ZNF674: variants seen among roughly 807,000 people sequenced by gnomAD.
The protein encoded by ZNF674 is zinc finger family member 674.
A neutral mutation model predicts 7.0 loss-of-function variants in ZNF674; 2 were observed. That is an observed-to-expected ratio of 0.29 (90% CI 0.12 to 0.90). ZNF674 has a LOEUF of 0.90. ZNF674 is among the 40% of genes least tolerant of loss of function. ZNF674 has a pLI of 0.57. For missense variants in ZNF674, 297 were observed against 415.5 expected (o/e 0.71, Z 2.48); for synonymous variants, 103 against 145.2 (o/e 0.71, Z 2.09).
chrX:46,510,332 C>A (rs776917403), intron 5 of ZNF674, among the ~76,000 whole-genome samples: 1 of 111,235 alleles, frequency 9.0e-6, no homozygotes, highest in South Asian at 3.8e-4. Flanking sequence ...AAATGCTTCA[C>A]AATTAAGTAG....
intron 5 of ZNF674, among the ~76,000 whole-genome samples, chrX:46,515,134 CT>C (rs1941737956): frequency 9.0e-6 from 1 of 110,979 alleles, no homozygotes; most frequent in Non-Finnish European, 1.9e-5. Flanking sequence ...TCTGGGAGGC[CT>C]AAGTGGGCGG....
At chrX:46,540,993 G>A (rs954524274) in intron 3 of ZNF674, among the ~76,000 whole-genome samples, 2 of 107,508 alleles carry the variant, frequency 1.9e-5, no homozygotes, top group Non-Finnish European at 3.8e-5. Flanking sequence ...GAACCTGGGA[G>A]GCAGAGGTTG....
rs1942271610 is a variant in ZNF674, at chrX:46,540,300, A to G, written c.15+1773T>C. Among the ~76,000 whole-genome samples the G allele has an allele frequency of 5.4e-5, 6 of 111,855 alleles. No homozygotes were observed. In the South Asian group the frequency reaches 2.2e-3, roughly 41 times the overall value. On this transcript the variant is annotated intron_variant, in intron 3 of 5. Coordinates refer to ENST00000683375, the MANE Select transcript of ZNF674 (RefSeq NM_001190417.2). Reference sequence around the variant, plus strand: ...GACAGATAAGCATACATATTCTCTGAAAGACTGTACCAAAAAATGAAGGAA... The same window carrying G: ...GACAGATAAGCATACATATTCTCTGGAAGACTGTACCAAAAAATGAAGGAA...
chrX:46,527,827 G>C (rs1233906449), intron 5 of ZNF674: 6 of 127,889 alleles, frequency 4.7e-5, no homozygotes, highest in Non-Finnish European at 9.2e-5. Context: ...GTAGAGTAAA[G>C]GTCACCAGCA....
chrX:46,498,047 C>T lies in ZNF674; in HGVS notation c.*1796G>A, dbSNP rs763052038. 1 of 110,747 alleles carries T rather than the reference C, an allele frequency of 9.0e-6. No individual in the cohort carries two copies. Among genetic ancestry groups the T allele is most frequent in the Admixed American group, 9.7e-5 (1 of 10,361 alleles). The allele number at this position is 110,747 out of a possible 1,213,427, so 9.1% of individuals were successfully genotyped here. On this transcript the variant is annotated 3_prime_UTR_variant, in exon 6 of 6. Coordinates refer to ENST00000683375, the MANE Select transcript of ZNF674 (RefSeq NM_001190417.2). ...ACCCAGAATCACTGATATAATGGTT[C>T]ATATACTTCCTGTTTGTACAATATT...
intron 2 of ZNF674, among the ~76,000 whole-genome samples, chrX:46,542,544 A>T (rs1942310876): frequency 9.0e-6 from 1 of 110,907 alleles, no homozygotes; most frequent in South Asian, 3.8e-4. Context: ...CCTTGTCTCT[A>T]CAAAACCGAA....
intron 3 of ZNF674, chrX:46,529,808 C>T (rs958680401): frequency 8.1e-5 from 9 of 111,526 alleles, no homozygotes; most frequent in African/African-American, 2.3e-4. Context: ...AGATGTAGGA[C>T]GGGGTCCGGG....
At chrX:46,521,356 C>A (rs983913589) in intron 5 of ZNF674, among the ~76,000 whole-genome samples, 3 of 111,003 alleles carry the variant, frequency 2.7e-5, no homozygotes, top group African/African-American at 9.8e-5. Context: ...GCAGGTGGAT[C>A]GCTTGAGCCC....
At position 46,500,457 on chromosome X, in the gene ZNF674, T is replaced by A; in HGVS notation, c.1117A>T (p.Thr373Ser). ...TCATAAATGTTCTCTTTTGTATGAG[T>A]TCTCCAATGTTTAGTGGGACTGGGC... ...EKPSPTKHWR[T>S]HTKENIYECS... Residue 373 changes from threonine (T) to serine (S), a missense_variant, in exon 6 of 6, where the codon ACT (threonine) becomes TCT (serine). Coordinates refer to ENST00000683375, the MANE Select transcript of ZNF674 (RefSeq NM_001190417.2). The A allele has an allele frequency of 8.3e-7, 1 of 1,211,955 alleles. No individual in the cohort carries two copies. Among genetic ancestry groups the A allele is most frequent in the South Asian group, 1.8e-5 (1 of 57,040 alleles).
intron 2 of ZNF674, among the ~76,000 whole-genome samples, chrX:46,543,232 G>T (rs1039031866): frequency 8.9e-6 from 1 of 112,047 alleles, no homozygotes; most frequent in South Asian, 3.6e-4. Context: ...GGGATTACAG[G>T]CATGAGCCAC....
At position 46,528,400 on chromosome X, in the gene ZNF674, C is replaced by A; in HGVS notation, c.188G>T (p.Gly63Val). Residue 63 changes from glycine to valine, a missense_variant, in exon 5 of 6, where the codon GGT becomes GTT. Gly to Val is a moderately radical substitution (Grantham distance 109, BLOSUM62 -3). Coordinates refer to ENST00000683375, the MANE Select transcript of ZNF674 (RefSeq NM_001190417.2). ...TCCATCTGCCATCCAGGACTCGTCA[C>A]CTGGTCCCAACCTGAAGATCACATC... Reference protein sequence around the residue: ...KPDVIFRLGPGDESWMADGGT... With the variant: ...KPDVIFRLGPVDESWMADGGT... 8.3e-7 allele frequency: 1 copy of A among 1,211,822 alleles called. No homozygotes were observed. Among genetic ancestry groups the A allele is most frequent in the Non-Finnish European group, 1.1e-6 (1 of 895,577 alleles).
At chrX:46,526,689 C>T (rs1270228184) in intron 5 of ZNF674, among the ~76,000 whole-genome samples, 1 of 111,386 alleles carries the variant, frequency 9.0e-6, no homozygotes, top group Non-Finnish European at 1.9e-5. Context: ...CAAAAAGCCC[C>T]CTGACCCTCA....
At chrX:46,502,544 T>A (rs754789633) in intron 5 of ZNF674, among the ~76,000 whole-genome samples, 7 of 107,595 alleles carry the variant, frequency 6.5e-5, no homozygotes, top group African/African-American at 2.4e-4. Context: ...AGGCATTATT[T>A]AAAAAAAAAA....
At chrX:46,539,575 A>T (rs1942256020) in intron 3 of ZNF674, among the ~76,000 whole-genome samples, 1 of 112,965 alleles carries the variant, frequency 8.9e-6, no homozygotes, top group Non-Finnish European at 1.9e-5. Flanking sequence ...ATGAAATACC[A>T]AGCAGTTGCT....
intron 5 of ZNF674, among the ~76,000 whole-genome samples, chrX:46,521,646 G>A (rs1029229529): frequency 3.7e-5 from 4 of 109,156 alleles, no homozygotes; most frequent in African/African-American, 6.7e-5. Flanking sequence ...AGGCCAAGGC[G>A]GGGGAGGGGG....
intron 5 of ZNF674, among the ~76,000 whole-genome samples, chrX:46,508,426 A>G (rs960786142): frequency 4.4e-5 from 5 of 112,423 alleles, no homozygotes; most frequent in Admixed American, 2.8e-4. Flanking sequence ...ATTAATGCAA[A>G]ATTCATAGGT....
Position 46,508,807 on chromosome X carries a change from T to C in ZNF674, c.239-7472A>G, listed in dbSNP as rs1337511689. 6.3e-5 allele frequency among the ~76,000 whole-genome samples: 7 copies of C among 111,341 alleles called. No homozygotes were observed. In the East Asian group the frequency reaches 1.4e-3, roughly 22 times the overall value. ...TAAGAATGCTTGTGATTTTTGTACA[T>C]TGATTTTGTATCCTGAGACTTTGCT... On this transcript the variant is annotated intron_variant, in intron 5 of 5. Coordinates refer to ENST00000683375, the MANE Select transcript of ZNF674 (RefSeq NM_001190417.2).
chrX:46,514,790 G>C lies in ZNF674; in HGVS notation c.239-13455C>G, dbSNP rs765537199. The stretch of plus-strand genomic sequence containing the variant: ...GCCAGAGATGGCCTAGGTGTTGAGT[G>C]GGGGAGAAAGGGAAGGGAGAAGAGC... On this transcript the variant is annotated intron_variant, in intron 5 of 5. Coordinates refer to ENST00000683375, the MANE Select transcript of ZNF674 (RefSeq NM_001190417.2). 1.1e-4 allele frequency among the ~76,000 whole-genome samples: 12 copies of C among 112,291 alleles called. No individual in the cohort carries two copies. In the East Asian group the frequency reaches 2.5e-3, roughly 24 times the overall value.
At chrX:46,520,547 T>C (rs1941889941) in intron 5 of ZNF674, among the ~76,000 whole-genome samples, 1 of 111,521 alleles carries the variant, frequency 9.0e-6, no homozygotes, top group Middle Eastern at 4.2e-3. Context: ...ATGGGGGGAA[T>C]TGGATAAAGG....
Sources: gnomAD v4.1 joint callset for allele counts (sites outside exome capture counted in the v4.1 genomes callset) on GRCh38, gnomAD v4.1.1 for gene constraint, MANE v1.5 for transcripts, NCBI Gene and HGNC (gene_info 2026-07-23, HGNC 2026-07-21) for gene names.